Variants in PIK3C2B observed in about 807,000 individuals in gnomAD.
PIK3C2B encodes the protein phosphatidylinositol 4-phosphate 3-kinase C2 domain-containing subunit beta.
In PIK3C2B, 83 loss-of-function variants were observed where a neutral mutation model predicts 184.3. The ratio of observed to expected loss-of-function variants is 0.45; its 90% CI spans 0.38 to 0.54. The LOEUF is 0.54. Among genes scored for constraint, PIK3C2B ranks in the 20% least tolerant of loss-of-function variants. PIK3C2B has a pLI of 0.00. For synonymous variants in PIK3C2B, 779 were observed against 837.6 expected (o/e 0.93, Z 1.21); for missense variants, 1,736 against 2,113.5 (o/e 0.82, Z 3.50).
At chr1:204,463,243 C>T (rs910905104) in intron 5 of PIK3C2B, among the ~76,000 whole-genome samples, 7 of 152,210 alleles carry the variant, frequency 4.6e-5, no homozygotes, top group Non-Finnish European at 7.3e-5. Flanking sequence ...ATTCCCAAAA[C>T]GTGCTTCCTC....
At position 204,424,772 on chromosome 1, in the gene PIK3C2B, A is replaced by G; in HGVS notation, c.*80T>C. ...CTGCCCAGGGCCCTGGCCCTTCACA[A>G]GGAGGAGTCTCACAGGGGAGAGTCC... On this transcript the variant is annotated 3_prime_UTR_variant, in exon 33 of 33. Transcript: ENST00000684373. 1 of 1,432,118 alleles carries G rather than the reference A, an allele frequency of 7.0e-7. No homozygotes were observed. Among genetic ancestry groups the G allele is most frequent in the Non-Finnish European group, 9.8e-7 (1 of 1,015,284 alleles). The allele number at this position is 1,432,118 out of a possible 1,614,324, so 88.7% of individuals were successfully genotyped here.
intron 28 of PIK3C2B, 55 bp downstream of exon 28, chr1:204,431,607 CATCCCGT>C: frequency 6.2e-7 from 1 of 1,602,000 alleles, no homozygotes; most frequent in African/African-American, 1.3e-5. Context: ...GACCACCTCC[CATCCCGT>C]ATCCTTTCCC....
At chr1:204,432,591 A>T (rs1383477460) in intron 26 of PIK3C2B, among the ~76,000 whole-genome samples, 190 bp from the exon 27 acceptor site, 1 of 152,090 alleles carries the variant, frequency 6.6e-6, no homozygotes, top group East Asian at 1.9e-4. Flanking sequence ...GCTCATGTGA[A>T]CCCCAGGGTC....
intron 13 of PIK3C2B, among the ~76,000 whole-genome samples, chr1:204,449,558 A>G (rs1331239615): frequency 6.6e-6 from 1 of 152,176 alleles, no homozygotes; most frequent in Non-Finnish European, 1.5e-5. Flanking sequence ...AGGCTGGGCT[A>G]GATGACCTCT....
chr1:204,469,863 G>T lies in PIK3C2B; in HGVS notation c.-61C>A. 1.7e-6 allele frequency: 2 copies of T among 1,186,478 alleles called. No individual in the cohort carries two copies. Among genetic ancestry groups the T allele is most frequent in the South Asian group, 1.3e-5 (1 of 78,552 alleles). The allele number at this position is 1,186,478 out of a possible 1,614,324, so 73.5% of individuals were successfully genotyped here. On this transcript the variant is annotated 5_prime_UTR_variant, in exon 2 of 33. Transcript: ENST00000684373. ...CTTCCTGCCAACGTCAGTTCTGGAGGGTTGTGACATGGTGTCTGGGCGCCT... is the reference window on the plus strand; with the variant it reads ...CTTCCTGCCAACGTCAGTTCTGGAGTGTTGTGACATGGTGTCTGGGCGCCT...
chr1:204,465,021 G>A (rs987580077), intron 3 of PIK3C2B, among the ~76,000 whole-genome samples, 198 bp downstream of exon 3: 15 of 152,124 alleles, frequency 9.9e-5, no homozygotes, highest in African/African-American at 3.6e-4. Context: ...GAGGTTTCAT[G>A]AATTTTGCTA....
At chr1:204,465,345 G>A in intron 2 of PIK3C2B, 26 bp from the exon 3 acceptor site, 1 of 1,492,206 alleles carries the variant, frequency 6.7e-7, no homozygotes, top group East Asian at 2.3e-5. Flanking sequence ...AGACGACTCA[G>A]TGCCTTTTTC....
At chr1:204,439,122 G>A (rs769659631) in intron 22 of PIK3C2B, 51 bp from the exon 23 acceptor site, 21 of 1,588,628 alleles carry the variant, frequency 1.3e-5, no homozygotes, top group Non-Finnish European at 1.8e-5. Flanking sequence ...GAAGGGGACT[G>A]CAGGGAGAGG....
chr1:204,437,650 T>C (rs80323128), intron 23 of PIK3C2B, among the ~76,000 whole-genome samples: 2,688 of 152,240 alleles, frequency 0.018, 67 homozygotes, highest in East Asian at 0.13. Context: ...ATTTGAGAGA[T>C]AGCTGGGAAG....
intron 23 of PIK3C2B, among the ~76,000 whole-genome samples, chr1:204,437,457 T>C (rs1675411893): frequency 6.6e-6 from 1 of 152,034 alleles, no homozygotes; most frequent in Non-Finnish European, 1.5e-5. Flanking sequence ...CTCGTGCCAT[T>C]GCACTCCGGC....
At position 204,457,066 on chromosome 1, in the gene PIK3C2B, G is replaced by A; in HGVS notation, c.1718C>T (p.Pro573Leu). Residue 573 changes from proline (P) to leucine (L), a missense_variant, in exon 10 of 33, where the codon CCC (proline) becomes CTC (leucine). By Grantham distance (98) the Pro-to-Leu change is moderately conservative. This residue lies in a region of PIK3C2B where 609 missense variants were observed against 699.2 expected (regional missense o/e 0.87). Coordinates refer to ENST00000684373, the MANE Select transcript of PIK3C2B (RefSeq NM_001377334.1). ...GTTTTCCCTCACAGCCAAGACACTG[G>A]GATCCTGTTGGGAAAAAGAAGAGGG... ...SRMQPKIQKD[P>L]SVLAVRENRE... 4 of 1,563,286 alleles carry A rather than the reference G, an allele frequency of 2.6e-6. No individual in the cohort carries two copies. Among genetic ancestry groups the A allele is most frequent in the Non-Finnish European group, 3.5e-6 (4 of 1,152,408 alleles).
At chr1:204,484,519 G>A (rs1657433861) in intron 1 of PIK3C2B, among the ~76,000 whole-genome samples, 1 of 152,140 alleles carries the variant, frequency 6.6e-6, no homozygotes, top group Non-Finnish European at 1.5e-5. Context: ...CGGATCACGA[G>A]GTCATGAGAT....
intron 23 of PIK3C2B, among the ~76,000 whole-genome samples, chr1:204,434,874 T>C (rs1254044550): frequency 2.0e-5 from 3 of 152,266 alleles, no homozygotes; most frequent in African/African-American, 4.8e-5. Flanking sequence ...TTCTCCTTTC[T>C]TTCTCCTAGG....
chr1:204,451,722 G>C (rs1270098483), intron 12 of PIK3C2B, among the ~76,000 whole-genome samples: 1 of 152,188 alleles, frequency 6.6e-6, no homozygotes, highest in African/African-American at 2.4e-5. Context: ...TTTTTGCTAT[G>C]TGATGCTGTG....
intron 1 of PIK3C2B, 95 bp downstream of exon 1, chr1:204,494,261 T>C (rs1005422602): frequency 6.6e-6 from 1 of 152,306 alleles, no homozygotes; most frequent in African/African-American, 2.4e-5. Context: ...GCTGTTGCCA[T>C]GTTGGAGGGA....
Position 204,431,671 on chromosome 1 carries a change from G to A in PIK3C2B, c.4278C>T (p.Pro1426=), listed in dbSNP as rs1675066819. The change falls in exon 28 of 33, where the codon CCC becomes CCT. Residue 1426 remains proline (P), a splice_region_variant and synonymous_variant. Transcript: ENST00000684373. ...CAGATAGTAAAGGGGGCAGCTACCT[G>A]GGCAAGTGGGAAGAAGGGAAGAGCA... The part of the protein sequence containing the change: ...LRLLFPSSHL[P]SFPSRFVIGR... The A allele has an allele frequency of 6.2e-7, 1 of 1,614,012 alleles. No individual in the cohort carries two copies. Among genetic ancestry groups the A allele is most frequent in the Middle Eastern group, 1.7e-4 (1 of 5,920 alleles).
At position 204,447,814 on chromosome 1, in the gene PIK3C2B, C is replaced by A. The variant is rs536289697; in HGVS notation, c.2347-236G>T. On this transcript the variant is annotated intron_variant, in intron 14 of 32. Coordinates refer to ENST00000684373, the MANE Select transcript of PIK3C2B (RefSeq NM_001377334.1). The surrounding 1 kb of genome is among the most constrained non-coding windows in gnomAD (Gnocchi z 4.1). Reference sequence around the variant, plus strand: ...AGAATGGACATGTGAGGAAGAGGTTCGGTGGAGATGCACCTTGGTGAGGGG... The same window carrying A: ...AGAATGGACATGTGAGGAAGAGGTTAGGTGGAGATGCACCTTGGTGAGGGG... Among the ~76,000 whole-genome samples, 2 of 152,238 alleles carry A rather than the reference C, an allele frequency of 1.3e-5. No homozygotes were observed. The highest frequency in any genetic ancestry group is 6.5e-5 in the Admixed American group (1 of 15,290).
chr1:204,466,482 C>A (rs192635853), intron 2 of PIK3C2B, among the ~76,000 whole-genome samples: 1,107 of 28,970 alleles, frequency 0.038, 16 homozygotes, highest in African/African-American at 0.15. Flanking sequence ...GCATGGGCGG[C>A]GGGGGGTGGG....
At chr1:204,429,473 G>A (rs1674923215) in intron 29 of PIK3C2B, among the ~76,000 whole-genome samples, 1 of 152,116 alleles carries the variant, frequency 6.6e-6, no homozygotes, top group Non-Finnish European at 1.5e-5. Flanking sequence ...CTTGCATATG[G>A]ACAAATAGGA....
Sources: allele counts gnomAD v4.1 joint callset (sites outside exome capture counted in the v4.1 genomes callset), GRCh38; gene constraint gnomAD v4.1.1; regional missense constraint gnomAD v4.1.1; non-coding constraint Gnocchi (gnomAD v3.1); transcripts MANE v1.5; gene names NCBI Gene and HGNC (gene_info 2026-07-23, HGNC 2026-07-21).